PCM1: variants seen among roughly 807,000 people sequenced by gnomAD.
The protein encoded by PCM1 is pericentriolar material 1.
A neutral mutation model predicts 241.9 loss-of-function variants in PCM1; 157 were observed. The observed-to-expected ratio is 0.65, with a 90% CI of 0.57 to 0.74. PCM1 has a LOEUF of 0.74. PCM1 is among the 30% of genes least tolerant of loss of function. The pLI is 0.00. For missense variants in PCM1, 3,478 were observed against 2,360.1 expected (o/e 1.47, Z -9.81); for synonymous variants, 1,085 against 784.9 (o/e 1.38, Z -6.39).
At chr8:17,947,386 T>C (rs1156803970) in intron 7 of PCM1, 23 bp downstream of exon 7, 1 of 1,519,370 alleles carries the variant, frequency 6.6e-7, no homozygotes, top group Non-Finnish European at 8.9e-7. Context: ...CTGAGAATAT[T>C]CTTTTTGTAA....
At chr8:17,994,768 G>GAT (rs2086030996) in intron 29 of PCM1, among the ~76,000 whole-genome samples, 1 of 146,276 alleles carries the variant, frequency 6.8e-6, no homozygotes, top group Non-Finnish European at 1.5e-5. Context: ...TTGTAGTTTT[G>GAT]ATTGTCATTT....
chr8:18,010,512 C>T, intron 31 of PCM1, 97 bp from the exon 32 acceptor site: 1 of 834,256 alleles, frequency 1.2e-6, no homozygotes, highest in Non-Finnish European at 1.9e-6. Flanking sequence ...AGGCTTAGGT[C>T]TATAATCCCA....
chr8:17,950,059 G>C (rs1586522837), intron 7 of PCM1, among the ~76,000 whole-genome samples: 1 of 152,132 alleles, frequency 6.6e-6, no homozygotes, highest in Admixed American at 6.5e-5. Flanking sequence ...CTGAAATAAA[G>C]TTTTAGGGAA....
chr8:17,991,998 C>T (rs1010733241), intron 28 of PCM1, among the ~76,000 whole-genome samples: 1 of 152,202 alleles, frequency 6.6e-6, no homozygotes, highest in Non-Finnish European at 1.5e-5. Flanking sequence ...TTAACGGTCT[C>T]CAACTCTACC....
chr8:17,929,603 C>A (rs1172359950), intron 2 of PCM1, among the ~76,000 whole-genome samples: 1 of 152,166 alleles, frequency 6.6e-6, no homozygotes, highest in Non-Finnish European at 1.5e-5. Flanking sequence ...GTGTCACATA[C>A]CCAGTTTCTA....
chr8:17,950,055 TAA>T (rs1300934984), intron 7 of PCM1, among the ~76,000 whole-genome samples: 2 of 152,146 alleles, frequency 1.3e-5, no homozygotes, highest in African/African-American at 2.4e-5. Flanking sequence ...TTGCCTGAAA[TAA>T]AGTTTTAGGG....
rs1477778759 is a variant in PCM1 at position 17,966,457 on chromosome 8, C to A, written c.3205C>A (p.Gln1069Lys). The change falls in exon 20 of 39, where the codon CAG (glutamine) becomes AAG (lysine). Residue 1069 changes from glutamine (Q) to lysine (K), a missense_variant. By Grantham distance (53) the Gln-to-Lys change is moderately conservative. Coordinates refer to ENST00000325083, the MANE Select transcript of PCM1 (RefSeq NM_006197.4). ...GTGCTATACTCAGCTAACATGGCAA[C>A]AGAATAATGTTCAGAGGTAATCTGT... is the stretch of plus-strand genomic sequence containing the variant. ...NQCYTQLTWQ[Q>K]NNVQRLKQML... 1 of 1,613,616 alleles carries A rather than the reference C, an allele frequency of 6.2e-7. No individual in the cohort carries two copies. Among genetic ancestry groups the A allele is most frequent in the East Asian group, 2.2e-5 (1 of 44,870 alleles).
chr8:18,009,781 C>G (rs1234323216), intron 31 of PCM1, 37 bp downstream of exon 31: 19 of 1,204,514 alleles, frequency 1.6e-5, no homozygotes, highest in Non-Finnish European at 1.9e-5. Context: ...GGATAATTGA[C>G]ACATAAATAC....
At chr8:17,986,628 T>C (rs2082695586) in intron 26 of PCM1, among the ~76,000 whole-genome samples, 1 of 151,900 alleles carries the variant, frequency 6.6e-6, no homozygotes, top group Non-Finnish European at 1.5e-5. Context: ...TTCAGTAAGC[T>C]GTGTCCTCCA....
intron 18 of PCM1, among the ~76,000 whole-genome samples, chr8:17,965,597 A>C (rs1004511250): frequency 6.6e-6 from 1 of 152,242 alleles, no homozygotes; most frequent in African/African-American, 2.4e-5. Flanking sequence ...ATGTTATTAC[A>C]TTGTTACTAA....
intron 3 of PCM1, among the ~76,000 whole-genome samples, chr8:17,936,604 A>G (rs1051046776): frequency 2.0e-5 from 3 of 152,170 alleles, no homozygotes; most frequent in African/African-American, 7.2e-5. Context: ...ATTAGTTTTA[A>G]TCCTATTTTG....
At chr8:17,991,771 T>C in intron 28 of PCM1, 71 bp downstream of exon 28, 3 of 1,134,994 alleles carry the variant, frequency 2.6e-6, no homozygotes, top group Admixed American at 2.3e-5. Flanking sequence ...AGTTCTTTAG[T>C]GGTGATTTCT....
At chr8:17,937,740 G>C (rs1050467190) in intron 4 of PCM1, among the ~76,000 whole-genome samples, 3 of 152,082 alleles carry the variant, frequency 2.0e-5, no homozygotes, top group Admixed American at 2.0e-4. Context: ...GGGATGTGCT[G>C]GGTTACCTCA....
At chr8:17,955,674 G>C (rs1375976641) in intron 10 of PCM1, 21 bp downstream of exon 10, 2 of 1,566,376 alleles carry the variant, frequency 1.3e-6, no homozygotes, top group Non-Finnish European at 1.8e-6. Context: ...TATAATCATT[G>C]TTTACATGAA....
chr8:17,935,128 T>C (rs916026403), intron 2 of PCM1, among the ~76,000 whole-genome samples: 1 of 152,244 alleles, frequency 6.6e-6, no homozygotes, highest in Non-Finnish European at 1.5e-5. Flanking sequence ...TTCTTGTTTC[T>C]TGCAGAGCAG....
At chr8:17,983,260 C>CT (rs1257711170) in intron 24 of PCM1, 66 of 1,324,934 alleles carry the variant, frequency 5.0e-5, no homozygotes, top group Non-Finnish European at 6.4e-5. Flanking sequence ...CTACAGCAGT[C>CT]TAACAGAAAT....
At chr8:18,001,218 C>T (rs546760853) in intron 29 of PCM1, among the ~76,000 whole-genome samples, 42 of 152,284 alleles carry the variant, frequency 2.8e-4, no homozygotes, top group African/African-American at 9.6e-4. Context: ...TCATAAAATA[C>T]AATTTTCTAT....
Position 17,939,820 on chromosome 8 carries a change from G to A in PCM1, c.742G>A (p.Glu248Lys). The A allele has an allele frequency of 6.6e-7, 1 of 1,523,376 alleles. No homozygotes were observed. Among genetic ancestry groups the A allele is most frequent in the Non-Finnish European group, 8.9e-7 (1 of 1,124,658 alleles). 94.4% of individuals were successfully genotyped at this position (1,523,376 alleles called of 1,614,324 possible). A position where few individuals can be genotyped will look rare whatever the true frequency, so the allele number is the denominator to read the frequency against. ...TACTCATCTAATAGATCACCTTAAAGAACAAGAGAAGTCATATATGAAATT... is the reference window on the plus strand; with the variant it reads ...TACTCATCTAATAGATCACCTTAAAAAACAAGAGAAGTCATATATGAAATT... ...RLTHLIDHLKEQEKSYMKFLK... is the reference protein window; with the variant it reads ...RLTHLIDHLKKQEKSYMKFLK... Residue 248 changes from glutamate (E) to lysine (K), a missense_variant, in exon 6 of 39, where the codon GAA becomes AAA. Glu to Lys is a moderately conservative substitution (Grantham distance 56). Coordinates refer to ENST00000325083, the MANE Select transcript of PCM1 (RefSeq NM_006197.4).
intron 24 of PCM1, chr8:17,983,394 G>T: frequency 2.2e-6 from 1 of 453,506 alleles, no homozygotes; most frequent in South Asian, 2.1e-5. Flanking sequence ...TTAGCTGAGA[G>T]TATATATGTT....
Sources: allele counts gnomAD v4.1 joint callset (sites outside exome capture counted in the v4.1 genomes callset), GRCh38; gene constraint gnomAD v4.1.1; transcripts MANE v1.5; gene names NCBI Gene and HGNC (gene_info 2026-07-23, HGNC 2026-07-21).